KIAA1549: variants seen among roughly 807,000 people sequenced by gnomAD.
KIAA1549 encodes the protein UPF0606 protein KIAA1549.
Under a neutral mutation model 156.4 loss-of-function variants are expected in KIAA1549, and 70 were observed. That is an observed-to-expected ratio of 0.45 (90% CI 0.37 to 0.55). KIAA1549 has a LOEUF of 0.55. KIAA1549 is among the 20% of genes least tolerant of loss of function. The pLI, the probability that KIAA1549 is intolerant of heterozygous loss-of-function variation, is 0.00. For missense variants in KIAA1549, 2,428 were observed against 2,540.9 expected, an observed-to-expected ratio of 0.96 and a Z score of 0.96; for synonymous variants, 1,103 against 1,066.4, an observed-to-expected ratio of 1.03 and a Z score of -0.67.
intron 15 of KIAA1549, 82 bp from the exon 16 acceptor site, chr7:138,861,538 G>T: frequency 9.1e-7 from 1 of 1,101,198 alleles, no homozygotes; most frequent in Non-Finnish European, 1.3e-6. Flanking sequence ...TTGAGGAAAA[G>T]TTCTATCATA....
Position 138,836,580 on chromosome 7 carries a change from A to C in KIAA1549, c.*1326T>G, listed in dbSNP as rs1809714329. The C allele has an allele frequency of 4.6e-6, 1 of 218,668 alleles. No individual in the cohort carries two copies. The highest frequency in any genetic ancestry group is 1.8e-4 in the South Asian group (1 of 5,434). The allele number at this position is 218,668 out of a possible 1,614,324, so 13.5% of individuals were successfully genotyped here. Reference sequence around the variant, plus strand: ...CTTCTGAGTTTCACTCAGGTACCAGAAAACAGAACAGCCCTTGCCACTGTT... The same window carrying C: ...CTTCTGAGTTTCACTCAGGTACCAGCAAACAGAACAGCCCTTGCCACTGTT... On this transcript the variant is annotated 3_prime_UTR_variant, in exon 20 of 20. Transcript: ENST00000422774.
intron 1 of KIAA1549, among the ~76,000 whole-genome samples, chr7:138,943,582 G>A (rs1489675910): frequency 1.3e-5 from 2 of 152,174 alleles, no homozygotes; most frequent in Non-Finnish European, 1.5e-5. Flanking sequence ...AGGCGCAGTG[G>A]CTCACGCCTG....
chr7:138,979,857 G>A (rs1233188733), intron 1 of KIAA1549, among the ~76,000 whole-genome samples: 1 of 152,204 alleles, frequency 6.6e-6, no homozygotes, highest in African/African-American at 2.4e-5. Context: ...GGCCAAGAGC[G>A]GGGGTGGGAG....
At chr7:138,939,032 T>C (rs1475673961) in intron 1 of KIAA1549, among the ~76,000 whole-genome samples, 1 of 152,156 alleles carries the variant, frequency 6.6e-6, no homozygotes, top group Non-Finnish European at 1.5e-5. Flanking sequence ...ATTAATTAAT[T>C]AAACTTTTTA....
At chr7:138,839,332 T>C (rs553999037) in intron 19 of KIAA1549, among the ~76,000 whole-genome samples, 6 of 152,324 alleles carry the variant, frequency 3.9e-5, no homozygotes, top group African/African-American at 9.6e-5. Context: ...CCCCAAGATA[T>C]ACAGTTCTTG....
At chr7:138,961,556 T>TTTCACAGC (rs2130557173) in intron 1 of KIAA1549, among the ~76,000 whole-genome samples, 2 of 152,316 alleles carry the variant, frequency 1.3e-5, no homozygotes, top group East Asian at 3.9e-4. Flanking sequence ...TCAACAATCC[T>TTTCACAGC]TTCACAGCTT....
rs770237102 is a variant in KIAA1549, at chr7:138,918,848, G to T, written c.778C>A (p.His260Asn). Residue 260 changes from histidine to asparagine, a missense_variant, in exon 2 of 20, where the codon CAT becomes AAT. By Grantham distance (68) the His-to-Asn change is moderately conservative. Coordinates refer to ENST00000422774, the MANE Select transcript of KIAA1549 (RefSeq NM_001164665.2). This position sits in a 1 kb window ranked among gnomAD's most constrained non-coding sequence, Gnocchi z 4.2. ...LVLYPTDAYSHLSSRTLPEIV... is the reference protein window; with the variant it reads ...LVLYPTDAYSNLSSRTLPEIV... ...TCTGGCAGAGTCCTGCTTGATAAAT[G>T]ACTGTAAGCATCAGTAGGATAAAGC... 69 of 1,613,878 alleles carry T rather than the reference G, an allele frequency of 4.3e-5. No individual in the cohort carries two copies. The highest frequency in any genetic ancestry group is 5.3e-5 in the Non-Finnish European group (63 of 1,179,896).
intron 10 of KIAA1549, 116 bp downstream of exon 10, chr7:138,894,226 A>G (rs1811619237): frequency 5.9e-6 from 6 of 1,019,646 alleles, no homozygotes; most frequent in Non-Finnish European, 8.9e-6. Flanking sequence ...AAGCCAGAAG[A>G]TTTCCATAAT....
At chr7:138,977,634 C>T (rs1472511518) in intron 1 of KIAA1549, among the ~76,000 whole-genome samples, 1 of 148,540 alleles carries the variant, frequency 6.7e-6, no homozygotes, top group Non-Finnish European at 1.5e-5. Flanking sequence ...AATACCCCTT[C>T]CACAAATGTA....
At chr7:138,870,000 C>A (rs1378352083) in intron 13 of KIAA1549, among the ~76,000 whole-genome samples, 2 of 152,026 alleles carry the variant, frequency 1.3e-5, no homozygotes, top group African/African-American at 4.8e-5. Flanking sequence ...CAGACACGCA[C>A]CATCATGCCC....
chr7:138,842,969 G>A (rs1809966718), intron 18 of KIAA1549, among the ~76,000 whole-genome samples: 1 of 152,154 alleles, frequency 6.6e-6, no homozygotes, highest in Non-Finnish European at 1.5e-5. Context: ...GATTTTAGGA[G>A]AGTGAGCCTG....
rs554838395 is a variant in KIAA1549, at chr7:138,833,696, A to C, written c.*4210T>G. 4.3e-6 allele frequency: 1 copy of C among 233,010 alleles called. No individual in the cohort carries two copies. The highest frequency in any genetic ancestry group is 2.2e-5 in the African/African-American group (1 of 45,438). 14.4% of individuals were successfully genotyped at this position (233,010 alleles called of 1,614,324 possible). A position where few individuals can be genotyped will look rare whatever the true frequency, so the allele number is the denominator to read the frequency against. On this transcript the variant is annotated 3_prime_UTR_variant, in exon 20 of 20. Transcript: ENST00000422774. ...ACATAGACAGACAGACAGATAGATA[A>C]CCCACTATGCTCCACAAAGGATATG...
At chr7:138,965,617 A>G (rs1043782408) in intron 1 of KIAA1549, among the ~76,000 whole-genome samples, 2 of 152,188 alleles carry the variant, frequency 1.3e-5, no homozygotes, top group African/African-American at 2.4e-5. Flanking sequence ...TTTCCTGACA[A>G]CTAAAGATTC....
intron 16 of KIAA1549, among the ~76,000 whole-genome samples, chr7:138,855,749 G>C (rs908832187): frequency 4.6e-5 from 7 of 152,170 alleles, no homozygotes; most frequent in African/African-American, 1.7e-4. Flanking sequence ...TGAAGGCTAA[G>C]AAATAATTCC....
chr7:138,856,876 T>A (rs986646916), intron 16 of KIAA1549, among the ~76,000 whole-genome samples: 2 of 152,146 alleles, frequency 1.3e-5, no homozygotes, highest in African/African-American at 4.8e-5. Flanking sequence ...AGCATTTGAA[T>A]TGGTGGACAG....
At chr7:138,914,562 C>A (rs1214266343) in intron 2 of KIAA1549, among the ~76,000 whole-genome samples, 1 of 152,136 alleles carries the variant, frequency 6.6e-6, no homozygotes, top group African/African-American at 2.4e-5. Flanking sequence ...GTCACCTCAA[C>A]CCCCTCACCA....
intron 1 of KIAA1549, among the ~76,000 whole-genome samples, chr7:138,971,924 A>G (rs917963668): frequency 2.0e-5 from 3 of 152,210 alleles, no homozygotes; most frequent in Admixed American, 6.5e-5. Flanking sequence ...CACTGCAGAC[A>G]GTCAAGCAAG....
chr7:138,903,159 C>T (rs886940932), intron 8 of KIAA1549, among the ~76,000 whole-genome samples: 1 of 152,122 alleles, frequency 6.6e-6, no homozygotes, highest in African/African-American at 2.4e-5. Flanking sequence ...AAGCAGAGGG[C>T]AGCACGTCTC....
intron 1 of KIAA1549, among the ~76,000 whole-genome samples, chr7:138,947,666 A>T (rs1813375579): frequency 6.6e-6 from 1 of 152,254 alleles, no homozygotes; most frequent in Non-Finnish European, 1.5e-5. Context: ...TCTGAAGGCA[A>T]AACCAAACTT....
Sources: allele counts gnomAD v4.1 joint callset (sites outside exome capture counted in the v4.1 genomes callset), GRCh38; gene constraint gnomAD v4.1.1; non-coding constraint Gnocchi (gnomAD v3.1); transcripts MANE v1.5; gene names NCBI Gene and HGNC (gene_info 2026-07-23, HGNC 2026-07-21).